Variants in PCDHGB2 observed in about 807,000 individuals in gnomAD.
PCDHGB2 encodes the protein protocadherin gamma-B2.
In PCDHGB2, 55 loss-of-function variants were observed where a neutral mutation model predicts 59.3. The ratio of observed to expected loss-of-function variants is 0.93; its 90% CI spans 0.75 to 1.16. The LOEUF (loss-of-function observed/expected upper bound fraction) is 1.16. PCDHGB2 is among the 50% of genes most tolerant of loss of function. PCDHGB2 has a pLI of 0.00. For synonymous variants in PCDHGB2, 516 were observed against 512.0 expected (o/e 1.01, Z -0.11); for missense variants, 1,228 against 1,198.5 (o/e 1.02, Z -0.36).
At chr5:141,419,505 G>C in intron 1 of PCDHGB2, 1 of 1,612,324 alleles carries the variant, frequency 6.2e-7, no homozygotes, top group Non-Finnish European at 8.5e-7. Flanking sequence ...GTGAGCCTGC[G>C]CGTGTTGGTG....
chr5:141,399,628 G>A (rs775633916), intron 1 of PCDHGB2: 23 of 1,613,772 alleles, frequency 1.4e-5, no homozygotes, highest in South Asian at 2.2e-5. Context: ...GGCCTCTTAC[G>A]TGTCCATGAG....
At chr5:141,445,964 T>C (rs1199096510) in intron 1 of PCDHGB2, among the ~76,000 whole-genome samples, 2 of 152,280 alleles carry the variant, frequency 1.3e-5, no homozygotes, top group South Asian at 4.1e-4. Context: ...ATATGGAGAA[T>C]TGATTTATGA....
rs755091154 is a variant in PCDHGB2 at position 141,402,943 on chromosome 5, C to T, written c.2421+40387C>T. The stretch of plus-strand genomic sequence containing the variant: ...AGATCCTTTTGAGAAAATTCCAAAG[C>T]GAGGCAGCAATGGCAGCTCCAACCA... On this transcript the variant is annotated intron_variant, in intron 1 of 3. Transcript: ENST00000522605. 1.1e-5 allele frequency: 17 copies of T among 1,590,762 alleles called. No individual in the cohort carries two copies. The African/African-American group carries it at 2.0e-4, about 19-fold the overall frequency.
intron 1 of PCDHGB2, chr5:141,390,890 G>C (rs1043821773): frequency 5.2e-5 from 8 of 152,592 alleles, no homozygotes; most frequent in African/African-American, 1.9e-4. Flanking sequence ...GTGTGTGTGA[G>C]AGAGATCCTT....
chr5:141,375,606 A>C, intron 1 of PCDHGB2: 1 of 1,613,922 alleles, frequency 6.2e-7, no homozygotes, highest in Non-Finnish European at 8.5e-7. Context: ...GTGTCCATCA[A>C]CTCCGACACT....
At chr5:141,401,570 C>T (rs192915698) in intron 1 of PCDHGB2, among the ~76,000 whole-genome samples, 2 of 152,290 alleles carry the variant, frequency 1.3e-5, no homozygotes, top group Admixed American at 1.3e-4. Context: ...ATTTCTCTTG[C>T]TCGGAATCCT....
chr5:141,463,467 G>A (rs200270457), intron 1 of PCDHGB2, among the ~76,000 whole-genome samples: 2,116 of 11,250 alleles, frequency 0.19, 39 homozygotes, highest in East Asian at 0.24. Context: ...TTTTTTTTTT[G>A]AGATGGAGTC....
At chr5:141,483,064 A>G (rs1245942485) in intron 1 of PCDHGB2, among the ~76,000 whole-genome samples, 2 of 152,142 alleles carry the variant, frequency 1.3e-5, no homozygotes, top group Non-Finnish European at 2.9e-5. Context: ...CAGCATGGGC[A>G]ACAGAGAGAG....
At chr5:141,473,168 A>G (rs1026233643) in intron 1 of PCDHGB2, among the ~76,000 whole-genome samples, 2 of 152,218 alleles carry the variant, frequency 1.3e-5, no homozygotes, top group Admixed American at 1.3e-4. Context: ...AGGAAGGCCC[A>G]CTGGTAACTT....
rs774858191 is a variant in PCDHGB2 at position 141,413,689 on chromosome 5, C to T, written c.2421+51133C>T. On this transcript the variant is annotated intron_variant, in intron 1 of 3. Transcript: ENST00000522605. Reference sequence around the variant, plus strand: ...TCCGGATGTGGGCGTGAACTCCCTGCAGAGCTATCAGCTCAGCCCCAATAA... The same window carrying T: ...TCCGGATGTGGGCGTGAACTCCCTGTAGAGCTATCAGCTCAGCCCCAATAA... 6 of 1,613,800 alleles carry T rather than the reference C, an allele frequency of 3.7e-6. No individual in the cohort carries two copies. The Admixed American group carries it at 5.0e-5, about 13-fold the overall frequency.
chr5:141,431,879 C>T lies in PCDHGB2; in HGVS notation c.2422-62928C>T. 1 of 1,614,162 alleles carries T rather than the reference C, an allele frequency of 6.2e-7. No individual in the cohort carries two copies. The highest frequency in any genetic ancestry group is 8.5e-7 in the Non-Finnish European group (1 of 1,179,970). ...AATTGCCCTTTTAAATGTAAATGAC[C>T]AAGATTCTGAGGAAAACGGACAGGT... On this transcript the variant is annotated intron_variant, in intron 1 of 3. Coordinates refer to ENST00000522605, the MANE Select transcript of PCDHGB2 (RefSeq NM_018923.3). The surrounding 1 kb of genome is among the most constrained non-coding windows in gnomAD (Gnocchi z 4.8).
At chr5:141,420,725 C>T (rs1468308275) in intron 1 of PCDHGB2, among the ~76,000 whole-genome samples, 1 of 152,188 alleles carries the variant, frequency 6.6e-6, no homozygotes, top group African/African-American at 2.4e-5. Flanking sequence ...TCCTTTCAGT[C>T]GGTTAAAATC....
Position 141,431,975 on chromosome 5 carries a change from A to G in PCDHGB2, c.2422-62832A>G. 1 of 1,614,218 alleles carries G rather than the reference A, an allele frequency of 6.2e-7. No individual in the cohort carries two copies. Among genetic ancestry groups the G allele is most frequent in the Non-Finnish European group, 8.5e-7 (1 of 1,180,022 alleles). ...TTACGGAAATTACTATAGTTTAGTC[A>G]CAGACATAGTCTTGGATAGGGAACA... On this transcript the variant is annotated intron_variant, in intron 1 of 3. Transcript: ENST00000522605. The surrounding 1 kb of genome is among the most constrained non-coding windows in gnomAD (Gnocchi z 4.8).
At chr5:141,383,976 C>G in intron 1 of PCDHGB2, 1 of 1,613,760 alleles carries the variant, frequency 6.2e-7, no homozygotes, top group Non-Finnish European at 8.5e-7. Flanking sequence ...TCCCTGAAGA[C>G]ACACCTCTTG....
At chr5:141,501,290 TACACACACACACACAC>T (rs55762287) in intron 2 of PCDHGB2, among the ~76,000 whole-genome samples, 7 of 136,164 alleles carry the variant, frequency 5.1e-5, no homozygotes, top group South Asian at 2.4e-4. Context: ...TATTCCCTTA[TACACACACACACACAC>T]ACACACACAC....
rs756252337 is a variant in PCDHGB2, at chr5:141,413,183, C to T, written c.2421+50627C>T. The T allele has an allele frequency of 3.7e-6, 6 of 1,605,222 alleles. No individual in the cohort carries two copies. The Admixed American group carries it at 1.0e-4, about 27-fold the overall frequency. Reference sequence around the variant, plus strand: ...TTCTGTAACCAGACTACAATGGCCGCTCAAAGGAATCGCTCAAAGGAATCA... The same window carrying T: ...TTCTGTAACCAGACTACAATGGCCGTTCAAAGGAATCGCTCAAAGGAATCA... On this transcript the variant is annotated intron_variant, in intron 1 of 3. Transcript: ENST00000522605.
chr5:141,409,445 A>G, intron 1 of PCDHGB2: 1 of 1,613,988 alleles, frequency 6.2e-7, no homozygotes, highest in Non-Finnish European at 8.5e-7. Context: ...CCGAGAGCAG[A>G]CACCAGAATA....
rs1309829041 is a variant in PCDHGB2 at position 141,361,095 on chromosome 5, A to T, written c.960A>T (p.Glu320Asp). 1.9e-6 allele frequency: 3 copies of T among 1,613,896 alleles called. No individual in the cohort carries two copies. Among genetic ancestry groups the T allele is most frequent in the Non-Finnish European group, 2.5e-6 (3 of 1,179,892 alleles). Reference sequence around the variant, plus strand: ...CAAGTAGTTACACTCTGAGTATCGAAGCAAAAGATCCTGGAGATCTAGCAG... The same window carrying T: ...CAAGTAGTTACACTCTGAGTATCGATGCAAAAGATCCTGGAGATCTAGCAG... ...EIASSYTLSI[E>D]AKDPGDLAAH... is the part of the protein sequence containing the mutation. Residue 320 changes from glutamate to aspartate, a missense_variant, in exon 1 of 4, where the codon GAA (glutamate) becomes GAT (aspartate). Physicochemically the swap from Glu to Asp is conservative, Grantham distance 45 (BLOSUM62 2). Around this residue, in one of 3 missense-constraint regions of PCDHGB2, gnomAD observed 781 missense variants for 721.6 expected, o/e 1.08. Coordinates refer to ENST00000522605, the MANE Select transcript of PCDHGB2 (RefSeq NM_018923.3).
rs1292747996 is a variant in PCDHGB2, at chr5:141,475,972, T to C, written c.2422-18835T>C. 2.0e-5 allele frequency: 19 copies of C among 963,712 alleles called. No individual in the cohort carries two copies. In the East Asian group the frequency reaches 3.4e-4, roughly 17 times the overall value. The allele number at this position is 963,712 out of a possible 1,614,324, so 59.7% of individuals were successfully genotyped here. A position where few individuals can be genotyped will look rare whatever the true frequency, so the allele number is the denominator to read the frequency against. ...CTGCGCCCCGGGATGAGGCAGAGAC[T>C]GAACAGCCGGCGAGCAAATCAACGG... On this transcript the variant is annotated intron_variant, in intron 1 of 3. Transcript: ENST00000522605.
Sources: gnomAD v4.1 joint callset for allele counts (sites outside exome capture counted in the v4.1 genomes callset) on GRCh38, gnomAD v4.1.1 for gene constraint, gnomAD v4.1.1 regional missense constraint, Gnocchi (gnomAD v3.1) non-coding constraint, MANE v1.5 for transcripts, NCBI Gene and HGNC (gene_info 2026-07-23, HGNC 2026-07-21) for gene names.